Variants in SAMMSON observed in about 807,000 individuals in gnomAD.
The protein encoded by SAMMSON is survival associated mitochondrial melanoma specific oncogenic non-coding RNA.
At chr3:70,381,829 A>G (rs1432416989) in intron 9 of SAMMSON, among the ~76,000 whole-genome samples, 1 of 152,148 alleles carries the variant, frequency 6.6e-6, no homozygotes, top group Non-Finnish European at 1.5e-5. Flanking sequence ...AAAAAAGGAG[A>G]TTTAAAAGAC....
At chr3:70,279,446 G>A (rs575942674) in intron 6 of SAMMSON, among the ~76,000 whole-genome samples, 177 of 152,174 alleles carry the variant, frequency 1.2e-3, no homozygotes, top group African/African-American at 4.1e-3. Context: ...ACATCTCTGA[G>A]TACATTGTCA....
At chr3:70,295,639 C>T (rs560181480) in intron 7 of SAMMSON, among the ~76,000 whole-genome samples, 29 of 152,228 alleles carry the variant, frequency 1.9e-4, no homozygotes, top group African/African-American at 6.5e-4. Flanking sequence ...CTGCAGTGAG[C>T]TGTGATTGTG....
rs1168730761 is a variant in SAMMSON at position 70,383,500 on chromosome 3, C to T, written n.914-6074C>T. 2.0e-5 allele frequency among the ~76,000 whole-genome samples: 3 copies of T among 151,960 alleles called. No homozygotes were observed. The East Asian group carries it at 5.8e-4, about 29-fold the overall frequency. ...GACCGCTCATGTTCTTTGAGGTTTC[C>T]ACGCCCACTTTCCGTATGAATTGGG... On this transcript the variant is annotated intron_variant and non_coding_transcript_variant, in intron 9 of 9. Coordinates refer to ENST00000642114, the Ensembl canonical transcript of SAMMSON.
At chr3:70,141,061 A>C (rs1014327694) in intron 4 of SAMMSON, among the ~76,000 whole-genome samples, 1 of 152,074 alleles carries the variant, frequency 6.6e-6, no homozygotes, top group Non-Finnish European at 1.5e-5. Flanking sequence ...ATGAACCTTG[A>C]AACTCTTCCA....
intron 6 of SAMMSON, among the ~76,000 whole-genome samples, chr3:70,255,489 A>G (rs909807462): frequency 6.6e-6 from 1 of 152,126 alleles, no homozygotes; most frequent in Non-Finnish European, 1.5e-5. Flanking sequence ...TGGTATGAGC[A>G]CAGTTAACTG....
intron 7 of SAMMSON, among the ~76,000 whole-genome samples, chr3:70,349,980 A>T (rs766261292): frequency 1.3e-5 from 2 of 152,192 alleles, no homozygotes; most frequent in Admixed American, 6.5e-5. Context: ...GCACTCTTCT[A>T]TTAGAAAGTC....
intron 4 of SAMMSON, among the ~76,000 whole-genome samples, chr3:70,152,525 G>A (rs1454393855): frequency 6.6e-6 from 1 of 151,944 alleles, no homozygotes; most frequent in Non-Finnish European, 1.5e-5. Context: ...AAAACATATA[G>A]TATTGGCATG....
At chr3:70,124,685 G>T (rs1435010765) in intron 4 of SAMMSON, among the ~76,000 whole-genome samples, 2 of 151,336 alleles carry the variant, frequency 1.3e-5, no homozygotes, top group East Asian at 3.9e-4. Context: ...TGTGGTGGCG[G>T]GCGCCTGTAG....
At chr3:70,220,616 G>A (rs1701453491) in intron 4 of SAMMSON, among the ~76,000 whole-genome samples, 1 of 152,170 alleles carries the variant, frequency 6.6e-6, no homozygotes, top group African/African-American at 2.4e-5. Flanking sequence ...GTATGTTAGT[G>A]TGTTGAGGTG....
chr3:70,064,727 G>A lies in SAMMSON; in HGVS notation n.418-6749G>A, dbSNP rs528691423. Among the ~76,000 whole-genome samples, 11 of 152,140 alleles carry A rather than the reference G, an allele frequency of 7.2e-5. No individual in the cohort carries two copies. In the East Asian group the frequency reaches 1.5e-3, roughly 21 times the overall value. On this transcript the variant is annotated intron_variant and non_coding_transcript_variant, in intron 3 of 9. Coordinates refer to ENST00000642114, the Ensembl canonical transcript of SAMMSON. Reference sequence around the variant, plus strand: ...AAAACATGCCAAGAAGTCATGGCGCGTCTTTGCTATTGGATGAGTCATTTT... The same window carrying A: ...AAAACATGCCAAGAAGTCATGGCGCATCTTTGCTATTGGATGAGTCATTTT...
chr3:70,176,957 A>G (rs1366009581), intron 4 of SAMMSON, among the ~76,000 whole-genome samples: 3 of 152,192 alleles, frequency 2.0e-5, no homozygotes, highest in African/African-American at 4.8e-5. Flanking sequence ...TTCTTCACAC[A>G]GGAATTTTAT....
intron 2 of SAMMSON, among the ~76,000 whole-genome samples, chr3:70,407,592 C>G (rs1701186572): frequency 6.6e-6 from 1 of 152,208 alleles, no homozygotes; most frequent in Admixed American, 6.5e-5. Context: ...GTCTCACATC[C>G]AGGTTATGCT....
chr3:70,152,630 A>T (rs984169580), intron 4 of SAMMSON, among the ~76,000 whole-genome samples: 2 of 152,084 alleles, frequency 1.3e-5, no homozygotes, highest in East Asian at 3.9e-4. Context: ...CCCTTGAGAT[A>T]TTGTCGGAAT....
chr3:70,408,962 T>G (rs1247405904), intron 2 of SAMMSON, among the ~76,000 whole-genome samples: 2 of 152,058 alleles, frequency 1.3e-5, no homozygotes, highest in African/African-American at 4.8e-5. Flanking sequence ...TCTTACATGG[T>G]GGTGGCAAGA....
intron 4 of SAMMSON, among the ~76,000 whole-genome samples, chr3:70,192,493 A>C (rs1245628942): frequency 6.6e-6 from 1 of 152,080 alleles, no homozygotes; most frequent in African/African-American, 2.4e-5. Flanking sequence ...AGACTCCCCA[A>C]ACCTGTCTTA....
intron 3 of SAMMSON, among the ~76,000 whole-genome samples, chr3:70,044,406 C>T (rs770284079): frequency 2.0e-5 from 3 of 152,002 alleles, no homozygotes; most frequent in Admixed American, 6.6e-5. Flanking sequence ...AGACACTATG[C>T]AATGTGCTTA....
chr3:70,304,811 G>A lies in SAMMSON; in HGVS notation n.739+13568G>A, dbSNP rs563626621. Among the ~76,000 whole-genome samples the A allele has an allele frequency of 2.2e-3, 331 of 152,018 alleles. 1 individual carries two copies. The highest frequency in any genetic ancestry group is 7.5e-3 in the African/African-American group (313 of 41,474). On this transcript the variant is annotated intron_variant and non_coding_transcript_variant, in intron 7 of 9. Transcript: ENST00000642114. ...CCGTGGCTTCTAATTCCAAATAGGC[G>A]AAAAAAATATCCAGATTCCCAACTG...
intron 3 of SAMMSON, among the ~76,000 whole-genome samples, chr3:70,029,674 G>T (rs938772947): frequency 2.7e-5 from 4 of 150,116 alleles, no homozygotes; most frequent in African/African-American, 9.8e-5. Context: ...AGAATCACTT[G>T]AACCCGGGAG....
At chr3:70,048,578 G>T (rs953272749) in intron 3 of SAMMSON, among the ~76,000 whole-genome samples, 1 of 151,954 alleles carries the variant, frequency 6.6e-6, no homozygotes, top group Non-Finnish European at 1.5e-5. Context: ...CTTTAAGAGG[G>T]TAAAACTGTA....
Sources: gnomAD v4.1 joint callset for allele counts (sites outside exome capture counted in the v4.1 genomes callset) on GRCh38, gnomAD v4.1.1 for gene constraint, MANE v1.5 for transcripts, NCBI Gene and HGNC (gene_info 2026-07-23, HGNC 2026-07-21) for gene names.